ARHGAP15: variants seen among roughly 807,000 people sequenced by gnomAD.
The protein encoded by ARHGAP15 is Rho GTPase activating protein 15.
In ARHGAP15, 51 loss-of-function variants were observed where a neutral mutation model predicts 63.7. The observed-to-expected ratio is 0.80, with a 90% CI of 0.64 to 1.01. The LOEUF is 1.01. ARHGAP15 is among the 50% of genes least tolerant of loss of function. ARHGAP15 has a pLI of 0.00. For missense variants in ARHGAP15, 560 were observed against 564.6 expected, an observed-to-expected ratio of 0.99 and a Z score of 0.08; for synonymous variants, 191 against 193.8, an observed-to-expected ratio of 0.99 and a Z score of 0.12.
At chr2:143,290,428 A>G (rs974797718) in intron 6 of ARHGAP15, among the ~76,000 whole-genome samples, 4 of 152,182 alleles carry the variant, frequency 2.6e-5, no homozygotes, top group South Asian at 2.1e-4. Context: ...ATCCAAAAAA[A>G]GAAAAAAAAA....
chr2:143,270,226 C>T (rs999943728), intron 6 of ARHGAP15, among the ~76,000 whole-genome samples: 1 of 152,184 alleles, frequency 6.6e-6, no homozygotes, highest in Non-Finnish European at 1.5e-5. Context: ...CTGCCTCTGC[C>T]TCCCACATAT....
chr2:143,227,667 G>A (rs1365234150), intron 4 of ARHGAP15, among the ~76,000 whole-genome samples: 2 of 151,962 alleles, frequency 1.3e-5, no homozygotes, highest in South Asian at 2.1e-4. Flanking sequence ...TAAAACCTTC[G>A]CACATCAGTA....
At chr2:143,655,203 G>T (rs889453888) in intron 12 of ARHGAP15, among the ~76,000 whole-genome samples, 9 of 152,044 alleles carry the variant, frequency 5.9e-5, no homozygotes. Flanking sequence ...GGTTTTTGGT[G>T]CACCCATCTC....
intron 1 of ARHGAP15, among the ~76,000 whole-genome samples, chr2:143,134,199 A>G (rs1194520125): frequency 7.4e-6 from 1 of 135,128 alleles, no homozygotes. Flanking sequence ...CTATCTACCT[A>G]TCTATCTATC....
Position 143,672,760 on chromosome 2 carries a change from G to A in ARHGAP15, c.1139-30659G>A, listed in dbSNP as rs1291369096. 2.0e-5 allele frequency among the ~76,000 whole-genome samples: 3 copies of A among 152,150 alleles called. No individual in the cohort carries two copies. The East Asian group carries it at 5.8e-4, about 29-fold the overall frequency. ...CATTATTTGCTTTGCCGATGGTAGA[G>A]ATATCCAAAGACAATGGTAAAGCAC... is the stretch of plus-strand genomic sequence containing the variant. On this transcript the variant is annotated intron_variant, in intron 12 of 13. Coordinates refer to ENST00000295095, the MANE Select transcript of ARHGAP15 (RefSeq NM_018460.4).
chr2:143,726,922 C>G (rs1685306188), intron 13 of ARHGAP15, among the ~76,000 whole-genome samples: 1 of 152,198 alleles, frequency 6.6e-6, no homozygotes, highest in Non-Finnish European at 1.5e-5. Context: ...AAAAGGCAAA[C>G]CTGGATAGCA....
intron 13 of ARHGAP15, among the ~76,000 whole-genome samples, chr2:143,747,765 TTTATCCATTCA>T (rs1686225856): frequency 6.6e-6 from 1 of 152,242 alleles, no homozygotes; most frequent in Non-Finnish European, 1.5e-5. Flanking sequence ...ACCACAGCTG[TTTATCCATTCA>T]TTATCCATTC....
rs189128791 is a variant in ARHGAP15, at chr2:143,520,916, C to T, written c.925+1552C>T. ...ATTTATGTCTCCACCCTAGGCAAAACGAAAAACTGCTAGATGCAGCTTTGC... is the reference window on the plus strand; with the variant it reads ...ATTTATGTCTCCACCCTAGGCAAAATGAAAAACTGCTAGATGCAGCTTTGC... On this transcript the variant is annotated intron_variant, in intron 10 of 13. Coordinates refer to ENST00000295095, the MANE Select transcript of ARHGAP15 (RefSeq NM_018460.4). Among the ~76,000 whole-genome samples the T allele has an allele frequency of 1.8e-3, 268 of 152,170 alleles. 2 individuals are homozygous for T. The highest frequency in any genetic ancestry group is 6.4e-3 in the African/African-American group (264 of 41,510).
intron 13 of ARHGAP15, among the ~76,000 whole-genome samples, chr2:143,760,949 G>A (rs1250234635): frequency 6.6e-6 from 1 of 152,004 alleles, no homozygotes; most frequent in Admixed American, 6.6e-5. Context: ...TGACCACCTC[G>A]AAACACACTA....
At chr2:143,338,329 CAGA>C (rs747737747) in intron 6 of ARHGAP15, among the ~76,000 whole-genome samples, 1 of 152,076 alleles carries the variant, frequency 6.6e-6, no homozygotes, top group Non-Finnish European at 1.5e-5. Flanking sequence ...AACATGTGGA[CAGA>C]AGAAGAAAAA....
At chr2:143,437,751 C>G (rs75790250) in intron 8 of ARHGAP15, among the ~76,000 whole-genome samples, 1 of 152,054 alleles carries the variant, frequency 6.6e-6, no homozygotes, top group Non-Finnish European at 1.5e-5. Context: ...TCTGGCTGGG[C>G]GAGGTAGCTC....
intron 10 of ARHGAP15, among the ~76,000 whole-genome samples, chr2:143,546,967 T>C (rs934881305): frequency 1.3e-5 from 2 of 152,144 alleles, no homozygotes; most frequent in African/African-American, 4.8e-5. Context: ...TGTTTATAGG[T>C]ACCTTGTTTC....
At chr2:143,603,499 T>A (rs947795175) in intron 11 of ARHGAP15, among the ~76,000 whole-genome samples, 1 of 152,128 alleles carries the variant, frequency 6.6e-6, no homozygotes, top group African/African-American at 2.4e-5. Context: ...GTTGTTTGAC[T>A]TTTCCCCCTC....
intron 10 of ARHGAP15, among the ~76,000 whole-genome samples, chr2:143,536,513 TCCCTCCC>T (rs1694771265): frequency 1.5e-5 from 2 of 129,690 alleles, no homozygotes; most frequent in Non-Finnish European, 3.3e-5. Flanking sequence ...CCTAATGCTA[TCCCTCCC>T]CCCTCCCCCC....
chr2:143,364,203 CA>C (rs371427810), intron 6 of ARHGAP15, among the ~76,000 whole-genome samples: 48 of 148,350 alleles, frequency 3.2e-4, no homozygotes, highest in African/African-American at 5.5e-4. Context: ...ACAACAACAA[CA>C]AAAAAAAAAA....
At chr2:143,266,221 TAAATTTTCTCACTTCA>T (rs1322953925) in intron 6 of ARHGAP15, among the ~76,000 whole-genome samples, 1 of 150,420 alleles carries the variant, frequency 6.6e-6, no homozygotes. Flanking sequence ...TTACTTTAAA[TAAATTTTCTCACTTCA>T]TATAAAATGC....
chr2:143,280,731 A>G (rs1280408077), intron 6 of ARHGAP15, among the ~76,000 whole-genome samples: 1 of 152,176 alleles, frequency 6.6e-6, no homozygotes, highest in Non-Finnish European at 1.5e-5. Context: ...TAAAAAGCTA[A>G]GTTTTAAGGC....
chr2:143,536,709 T>C (rs1468509640), intron 10 of ARHGAP15, among the ~76,000 whole-genome samples: 1 of 152,076 alleles, frequency 6.6e-6, no homozygotes, highest in African/African-American at 2.4e-5. Context: ...GAACTCATCA[T>C]TTTTTATGGC....
Position 143,624,345 on chromosome 2 carries a change from T to TATA in ARHGAP15, c.1138+87_1138+89dup. On this transcript the variant is annotated intron_variant, in intron 12 of 13. Coordinates refer to ENST00000295095, the MANE Select transcript of ARHGAP15 (RefSeq NM_018460.4). ...TTATTAAGTAAATAATAAGAATGAT[T>TATA]ATAATAATAATCATGGGGAACAGAT... 7.6e-6 allele frequency: 11 copies of TATA among 1,439,324 alleles called. No individual in the cohort carries two copies. In the South Asian group the frequency reaches 1.5e-4, roughly 20 times the overall value. 89.2% of individuals were successfully genotyped at this position (1,439,324 alleles called of 1,614,324 possible).
Sources: gnomAD v4.1 joint callset for allele counts (sites outside exome capture counted in the v4.1 genomes callset) on GRCh38, gnomAD v4.1.1 for gene constraint, MANE v1.5 for transcripts, NCBI Gene and HGNC (gene_info 2026-07-23, HGNC 2026-07-21) for gene names.